COL25A1: variants seen among roughly 807,000 people sequenced by gnomAD.
COL25A1 encodes collagen alpha-1(XXV) chain.
COL25A1 carries 103 observed loss-of-function variants against 128.4 expected under a neutral mutation model. That is an observed-to-expected ratio of 0.80 (90% CI 0.68 to 0.94). The LOEUF (loss-of-function observed/expected upper bound fraction) is 0.94. COL25A1 is among the 40% of genes least tolerant of loss of function. COL25A1 has a pLI of 0.00. For missense variants in COL25A1, 745 were observed against 840.0 expected (o/e 0.89, Z 1.40); for synonymous variants, 279 against 277.2 (o/e 1.01, Z -0.06).
chr4:109,184,399 T>C (rs1045062573), intron 3 of COL25A1, among the ~76,000 whole-genome samples: 4 of 152,152 alleles, frequency 2.6e-5, no homozygotes, highest in Admixed American at 2.6e-4. Flanking sequence ...GAATCTGTAA[T>C]GAAATGCTTG....
chr4:109,134,304 G>C (rs1410593555), intron 3 of COL25A1, among the ~76,000 whole-genome samples: 3 of 151,874 alleles, frequency 2.0e-5, no homozygotes, highest in African/African-American at 7.3e-5. Flanking sequence ...AGATAGATTA[G>C]ACAGAAGGTG....
intron 3 of COL25A1, among the ~76,000 whole-genome samples, chr4:109,138,790 C>T (rs1190240713): frequency 1.3e-5 from 2 of 152,156 alleles, no homozygotes; most frequent in Non-Finnish European, 2.9e-5. Flanking sequence ...CTCAGGCAAG[C>T]TCCACATCCT....
intron 3 of COL25A1, among the ~76,000 whole-genome samples, chr4:109,198,422 C>T (rs1776298149): frequency 6.6e-6 from 1 of 152,148 alleles, no homozygotes. Context: ...TTCTCAACAT[C>T]TGATTTCAAC....
intron 3 of COL25A1, among the ~76,000 whole-genome samples, chr4:109,118,612 A>C (rs576447099): frequency 1.8e-3 from 267 of 152,134 alleles, no homozygotes; most frequent in South Asian, 8.3e-3. Flanking sequence ...TCTTCAGAGA[A>C]AGAAAAGTTA....
chr4:108,923,407 G>A (rs1012776784), intron 11 of COL25A1, among the ~76,000 whole-genome samples: 2 of 151,924 alleles, frequency 1.3e-5, no homozygotes, highest in Non-Finnish European at 2.9e-5. Context: ...GTGCAGTGGC[G>A]TGATCATAGC....
At chr4:109,081,636 C>T (rs1030728407) in intron 3 of COL25A1, among the ~76,000 whole-genome samples, 2 of 152,130 alleles carry the variant, frequency 1.3e-5, no homozygotes, top group African/African-American at 4.8e-5. Context: ...TACCCTTTAG[C>T]TATCAACCCC....
chr4:108,864,682 T>C (rs576914806), intron 20 of COL25A1, among the ~76,000 whole-genome samples: 1 of 152,164 alleles, frequency 6.6e-6, no homozygotes, highest in Non-Finnish European at 1.5e-5. Context: ...TTATTGTGGA[T>C]TGGATCCCTG....
chr4:109,033,977 A>G (rs939024595), intron 5 of COL25A1, among the ~76,000 whole-genome samples: 1 of 152,194 alleles, frequency 6.6e-6, no homozygotes, highest in Admixed American at 6.5e-5. Flanking sequence ...AAAGCAAAAC[A>G]TAAGCAATTA....
At chr4:109,066,257 C>A (rs554142851) in intron 3 of COL25A1, among the ~76,000 whole-genome samples, 150 of 152,252 alleles carry the variant, frequency 9.9e-4, no homozygotes, top group African/African-American at 3.2e-3. Flanking sequence ...CCACTCACCC[C>A]AAGTGCCTCT....
chr4:109,289,828 C>T (rs1340863050), intron 3 of COL25A1, among the ~76,000 whole-genome samples: 1 of 152,062 alleles, frequency 6.6e-6, no homozygotes, highest in Non-Finnish European at 1.5e-5. Flanking sequence ...GCTTGCCAAC[C>T]ACGGATCACG....
At chr4:109,064,618 G>C (rs920524833) in intron 3 of COL25A1, among the ~76,000 whole-genome samples, 6 of 152,140 alleles carry the variant, frequency 3.9e-5, no homozygotes, top group African/African-American at 1.4e-4. Flanking sequence ...CCTGAACTAA[G>C]AAGACAGCAG....
chr4:108,857,015 G>A (rs1456541822), intron 24 of COL25A1, among the ~76,000 whole-genome samples: 1 of 152,060 alleles, frequency 6.6e-6, no homozygotes, highest in Non-Finnish European at 1.5e-5. Context: ...GATCAAAATA[G>A]AGATTTCCAT....
At chr4:108,872,555 C>G (rs1738866602) in intron 19 of COL25A1, among the ~76,000 whole-genome samples, 1 of 152,164 alleles carries the variant, frequency 6.6e-6, no homozygotes, top group African/African-American at 2.4e-5. Flanking sequence ...GGCTAACCTT[C>G]CCCTGTCCAA....
At chr4:108,856,016 G>A (rs1204680593) in intron 24 of COL25A1, among the ~76,000 whole-genome samples, 8 of 152,284 alleles carry the variant, frequency 5.3e-5, no homozygotes, top group Admixed American at 1.3e-4. Context: ...CTAGTGAGAC[G>A]CGACGTGAAA....
chr4:109,194,959 T>TA lies in COL25A1; in HGVS notation c.367+105623dup, dbSNP rs563798539. On this transcript the variant is annotated intron_variant, in intron 3 of 37. Coordinates refer to ENST00000399132, the MANE Select transcript of COL25A1 (RefSeq NM_198721.4). ...ATAATAACAACTGTACATTTTAAAA[T>TA]AAAGTAATTGGATTATTTACAACTC... is the stretch of plus-strand genomic sequence containing the variant. 4.6e-5 allele frequency among the ~76,000 whole-genome samples: 7 copies of TA among 152,272 alleles called. No individual in the cohort carries two copies. In the South Asian group the frequency reaches 1.2e-3, roughly 27 times the overall value.
At chr4:109,208,377 C>T (rs1031751647) in intron 3 of COL25A1, among the ~76,000 whole-genome samples, 3 of 151,892 alleles carry the variant, frequency 2.0e-5, no homozygotes, top group Admixed American at 6.6e-5. Context: ...TTTTAGCAGA[C>T]GCTGTTCCAC....
At chr4:108,881,845 AC>A (rs1247716804) in intron 19 of COL25A1, among the ~76,000 whole-genome samples, 1 of 152,238 alleles carries the variant, frequency 6.6e-6, no homozygotes, top group Non-Finnish European at 1.5e-5. Flanking sequence ...ATTAGAGAAG[AC>A]AAAGCTTATT....
At chr4:109,255,045 G>A (rs1780989347) in intron 3 of COL25A1, among the ~76,000 whole-genome samples, 1 of 152,202 alleles carries the variant, frequency 6.6e-6, no homozygotes, top group Admixed American at 6.5e-5. Context: ...GGAAAATGCT[G>A]TCTTCTATGA....
chr4:108,962,261 C>T (rs995996414), intron 8 of COL25A1, among the ~76,000 whole-genome samples: 1 of 151,194 alleles, frequency 6.6e-6, no homozygotes, highest in African/African-American at 2.4e-5. Flanking sequence ...GATCTCGACT[C>T]ACTGCAACCT....
Sources: gnomAD v4.1 joint callset for allele counts (sites outside exome capture counted in the v4.1 genomes callset) on GRCh38, gnomAD v4.1.1 for gene constraint, MANE v1.5 for transcripts, NCBI Gene and HGNC (gene_info 2026-07-23, HGNC 2026-07-21) for gene names.